Variants in CACNA1H observed in about 807,000 individuals in gnomAD.
The protein encoded by CACNA1H is voltage-dependent T-type calcium channel subunit alpha-1H.
In CACNA1H, 149 loss-of-function variants were observed where a neutral mutation model predicts 192.5. The ratio of observed to expected loss-of-function variants is 0.77; its 90% CI spans 0.68 to 0.89. The LOEUF is 0.89. Ranked by LOEUF, CACNA1H falls within the 40% of genes least tolerant of loss-of-function variation. CACNA1H has a pLI of 0.00. For missense variants in CACNA1H, 4,257 were observed against 3,423.5 expected (o/e 1.24, Z -6.08); for synonymous variants, 2,202 against 1,475.2 (o/e 1.49, Z -11.29).
At chr16:1,219,768 T>C (rs1596479125) in intron 34 of CACNA1H, among the ~76,000 whole-genome samples, 1 of 137,146 alleles carries the variant, frequency 7.3e-6, no homozygotes, top group Non-Finnish European at 1.6e-5. Flanking sequence ...GAGCAGCGGG[T>C]ACAGGCTTTC....
intron 31 of CACNA1H, 74 bp downstream of exon 31, chr16:1,217,084 C>G (rs1361103522): frequency 7.7e-7 from 1 of 1,290,654 alleles, no homozygotes. Context: ...TCCACTCACA[C>G]GCAGGCACAT....
At position 1,195,522 on chromosome 16, in the gene CACNA1H, G is replaced by A. The variant is rs1966875937; in HGVS notation, c.502G>A (p.Gly168Ser). Reference sequence around the variant, plus strand: ...GCTGTTCGGGCAGAAGTGTTACCTGGGTGACACGTGGAACAGGCTGGATTT... The same window carrying A: ...GCTGTTCGGGCAGAAGTGTTACCTGAGTGACACGTGGAACAGGCTGGATTT... ...LGLFGQKCYL[G>S]DTWNRLDFFI... is the part of the protein sequence containing the mutation. The change falls in exon 4 of 35, where the codon GGT (glycine) becomes AGT (serine). Residue 168 changes from glycine to serine, a missense_variant. Physicochemically the swap from Gly to Ser is moderately conservative, Grantham distance 56. Coordinates refer to ENST00000348261, the MANE Select transcript of CACNA1H (RefSeq NM_021098.3). 1.9e-6 allele frequency: 3 copies of A among 1,605,008 alleles called. No homozygotes were observed. The highest frequency in any genetic ancestry group is 2.6e-6 in the Non-Finnish European group (3 of 1,176,100).
rs755428254 is a variant in CACNA1H at position 1,200,436 on chromosome 16, G to A, written c.984G>A (p.Glu328=). Residue 328 remains glutamate (E), a synonymous_variant, in exon 7 of 35, where the codon GAG becomes GAA. Transcript: ENST00000348261. ...AGGCCTACACGCAGCCGCAGGCCGA[G>A]GGGGTGGGCGCTGCACGCAACGCCT... ...GWEAYTQPQA[E]GVGAARNACI... 5 of 1,610,770 alleles carry A rather than the reference G, an allele frequency of 3.1e-6. No homozygotes were observed. Among genetic ancestry groups the A allele is most frequent in the Admixed American group, 1.7e-5 (1 of 59,960 alleles).
At chr16:1,155,609 T>A (rs1164790938) in intron 2 of CACNA1H, among the ~76,000 whole-genome samples, 1 of 151,980 alleles carries the variant, frequency 6.6e-6, no homozygotes, top group Non-Finnish European at 1.5e-5. Flanking sequence ...AAGCCTGGAC[T>A]CTCTCCTCAC....
In CACNA1H at chr16:1,218,222, G is replaced by A. The variant is rs768988866; in HGVS notation, c.5458G>A (p.Glu1820Lys). 9.7e-6 allele frequency: 15 copies of A among 1,549,456 alleles called. No homozygotes were observed. Among genetic ancestry groups the A allele is most frequent in the African/African-American group, 2.7e-5 (2 of 73,054 alleles). Reference protein sequence around the residue: ...WNGIMKDTLRECSREDKHCLS... With the variant: ...WNGIMKDTLRKCSREDKHCLS... ...TCCCCCACCGCAGGACACGCTGCGC[G>A]AGTGCTCCCGTGAGGACAAGCACTG... Residue 1820 changes from glutamate to lysine, a missense_variant, in exon 33 of 35, where the codon GAG becomes AAG. Coordinates refer to ENST00000348261, the MANE Select transcript of CACNA1H (RefSeq NM_021098.3).
At chr16:1,164,421 C>T (rs149257404) in intron 2 of CACNA1H, among the ~76,000 whole-genome samples, 9 of 152,186 alleles carry the variant, frequency 5.9e-5, no homozygotes, top group Non-Finnish European at 1.2e-4. Context: ...CCACCTCGAT[C>T]TCCTGGTTCA....
At chr16:1,195,772 C>T (rs1354364321) in intron 4 of CACNA1H, among the ~76,000 whole-genome samples, 154 bp from the exon 5 acceptor site, 1 of 152,168 alleles carries the variant, frequency 6.6e-6, no homozygotes, top group Non-Finnish European at 1.5e-5. Flanking sequence ...AAGCGTTGTG[C>T]TCCTGCTACC....
intron 2 of CACNA1H, among the ~76,000 whole-genome samples, chr16:1,154,893 G>T (rs1450519889): frequency 6.6e-6 from 1 of 152,198 alleles, no homozygotes; most frequent in Non-Finnish European, 1.5e-5. Context: ...CCTGAGAAGG[G>T]CCTTGCGTGG....
At chr16:1,217,859 C>A in intron 31 of CACNA1H, 60 bp from the exon 32 acceptor site, 1 of 1,523,218 alleles carries the variant, frequency 6.6e-7, no homozygotes, top group Non-Finnish European at 8.9e-7. Flanking sequence ...AGGCTGGGTG[C>A]ATGTCCCGCC....
In CACNA1H at chr16:1,207,352, C is replaced by A. The variant is rs371675943; in HGVS notation, c.2985C>A (p.Phe995Leu). Reference protein sequence around the residue: ...ASTSSWAALYFVALMTFGNYV... With the variant: ...ASTSSWAALYLVALMTFGNYV... ...CCTCCTCCTGGGCCGCCCTCTACTT[C>A]GTGGCCCTCATGACCTTCGGCAACT... The change falls in exon 14 of 35, where the codon TTC becomes TTA. Residue 995 changes from phenylalanine to leucine, a missense_variant. Coordinates refer to ENST00000348261, the MANE Select transcript of CACNA1H (RefSeq NM_021098.3). 2 of 1,612,930 alleles carry A rather than the reference C, an allele frequency of 1.2e-6. No homozygotes were observed. The highest frequency in any genetic ancestry group is 2.7e-5 in the African/African-American group (2 of 74,906).
intron 2 of CACNA1H, among the ~76,000 whole-genome samples, chr16:1,182,003 T>C (rs1000394763): frequency 6.6e-6 from 1 of 152,148 alleles, no homozygotes; most frequent in Non-Finnish European, 1.5e-5. Flanking sequence ...CTCTGCTGCC[T>C]GTCCCTGGCT....
intron 5 of CACNA1H, among the ~76,000 whole-genome samples, chr16:1,196,952 C>T (rs1441110659): frequency 6.6e-6 from 1 of 151,618 alleles, no homozygotes; most frequent in East Asian, 2.0e-4. Context: ...TGTGCACGTG[C>T]GGGTGTAACA....
At chr16:1,155,329 A>G (rs1227717700) in intron 2 of CACNA1H, among the ~76,000 whole-genome samples, 1 of 152,180 alleles carries the variant, frequency 6.6e-6, no homozygotes, top group Non-Finnish European at 1.5e-5. Flanking sequence ...GTCTGCGAGT[A>G]GGTGGGTGTC....
intron 2 of CACNA1H, chr16:1,160,080 C>G (rs1236763090): frequency 6.6e-6 from 1 of 152,336 alleles, no homozygotes; most frequent in Non-Finnish European, 1.5e-5. Flanking sequence ...GCTCTGCTGG[C>G]TGAGTCCAAG....
rs756754129 is a variant in CACNA1H at position 1,220,340 on chromosome 16, C to T, written c.6408C>T (p.Tyr2136=). 9 of 1,547,460 alleles carry T rather than the reference C, an allele frequency of 5.8e-6. No homozygotes were observed. The East Asian group carries it at 2.1e-4, about 36-fold the overall frequency. ...AGGERDLRRL[Y]SVDAQGFLDK... ...GCGAGCGGGACCTGCGCAGGCTCTA[C>T]AGCGTGGATGCTCAGGGCTTCCTGG... The change falls in exon 35 of 35, where the codon TAC becomes TAT. Residue 2136 remains tyrosine, a synonymous_variant. Coordinates refer to ENST00000348261, the MANE Select transcript of CACNA1H (RefSeq NM_021098.3).
chr16:1,162,578 T>A (rs1354110826), intron 2 of CACNA1H, among the ~76,000 whole-genome samples: 1 of 151,094 alleles, frequency 6.6e-6, no homozygotes, highest in Non-Finnish European at 1.5e-5. Context: ...GTGCTGCAGT[T>A]GTGTCTCTGT....
At chr16:1,201,185 G>A (rs1477068091) in intron 8 of CACNA1H, among the ~76,000 whole-genome samples, 1 of 152,166 alleles carries the variant, frequency 6.6e-6, no homozygotes, top group Non-Finnish European at 1.5e-5. Context: ...AGACGTCTGT[G>A]GGGTCCTAGG....
At chr16:1,160,721 G>A (rs1460023696) in intron 2 of CACNA1H, among the ~76,000 whole-genome samples, 2 of 152,168 alleles carry the variant, frequency 1.3e-5, no homozygotes, top group South Asian at 2.1e-4. Flanking sequence ...TGAGCCGGAC[G>A]GTTGATGAAT....
chr16:1,215,423 G>A (rs1969935966), intron 29 of CACNA1H, 48 bp downstream of exon 29: 1 of 1,589,346 alleles, frequency 6.3e-7, no homozygotes, highest in Non-Finnish European at 8.6e-7. Flanking sequence ...TGGAGGGTGG[G>A]GGCTCAGCCA....
Sources: allele counts gnomAD v4.1 joint callset (sites outside exome capture counted in the v4.1 genomes callset), GRCh38; gene constraint gnomAD v4.1.1; transcripts MANE v1.5; gene names NCBI Gene and HGNC (gene_info 2026-07-23, HGNC 2026-07-21).